The following ZNF526 variants were observed in gnomAD, a reference collection of about 807,000 sequenced individuals.
ZNF526 encodes zinc finger protein 526.
A neutral mutation model predicts 32.4 loss-of-function variants in ZNF526; 16 were observed. The ratio of observed to expected loss-of-function variants is 0.49; its 90% CI spans 0.33 to 0.75. The LOEUF (loss-of-function observed/expected upper bound fraction) is 0.75. Ranked by LOEUF, ZNF526 falls within the 30% of genes least tolerant of loss-of-function variation. The probability of loss-of-function intolerance (pLI) is 0.02; values close to 1 mark genes in which losing one functional copy is unlikely to be tolerated. For synonymous variants in ZNF526, 355 were observed against 363.4 expected (o/e 0.98, Z 0.26); for missense variants, 838 against 920.7 (o/e 0.91, Z 1.16).
chr19:42,225,696 T>TCCCCC lies in ZNF526; in HGVS notation c.1295_1296insCCCCC (p.Pro434HisfsTer53). ...CCCCAGCTCCAGCGGAGCCCACCCC[T>TCCCCC]CCACCACCACCCCCTGCCCCACCTG... On this transcript the variant is annotated frameshift_variant, in exon 3 of 3. Transcript: ENST00000301215. LOFTEE classifies it high-confidence loss of function. 2.3e-6 allele frequency: 1 copy of TCCCCC among 439,490 alleles called. No homozygotes were observed. The highest frequency in any genetic ancestry group is 3.7e-6 in the Non-Finnish European group (1 of 272,524). 27.2% of individuals were successfully genotyped at this position (439,490 alleles called of 1,614,324 possible).
At position 42,224,549 on chromosome 19, in the gene ZNF526, C is replaced by G; in HGVS notation, c.146C>G (p.Ser49Cys). 6 of 1,614,250 alleles carry G rather than the reference C, an allele frequency of 3.7e-6. No individual in the cohort carries two copies. The highest frequency in any genetic ancestry group is 5.1e-6 in the Non-Finnish European group (6 of 1,180,034). Residue 49 changes from serine to cysteine, a missense_variant, in exon 3 of 3, where the codon TCC (serine) becomes TGC (cysteine). Coordinates refer to ENST00000301215, the MANE Select transcript of ZNF526 (RefSeq NM_133444.3). ...EMTPGEALAS[S>C]LFFQHHQFMC... ...ACACCTGGGGAGGCCCTTGCCTCAT[C>G]CCTCTTCTTCCAGCATCACCAGTTC...
At position 42,224,948 on chromosome 19, in the gene ZNF526, CACT is replaced by C. The variant is rs774335184; in HGVS notation, c.546_548del (p.Leu183del). ...CCACCTCCTTTGCCTCCCCCAACACCACTGCCTCCACCTTCTCCCCCATCCGAA... is the reference window on the plus strand; with the variant it reads ...CCACCTCCTTTGCCTCCCCCAACACCGCCTCCACCTTCTCCCCCATCCGAA... On this transcript the variant is annotated inframe_deletion, in exon 3 of 3. Coordinates refer to ENST00000301215, the MANE Select transcript of ZNF526 (RefSeq NM_133444.3). 1 of 1,614,166 alleles carries C rather than the reference CACT, an allele frequency of 6.2e-7. No homozygotes were observed. The highest frequency in any genetic ancestry group is 1.1e-5 in the South Asian group (1 of 91,088).
intron 1 of ZNF526, among the ~76,000 whole-genome samples, chr19:42,224,002 T>TATATATATATATATATATATATATATAC (rs1491246187): frequency 1.6e-5 from 2 of 126,238 alleles, no homozygotes; most frequent in Non-Finnish European, 3.3e-5. Context: ...TATATATATA[T>TATATATATATATATATATATATATATAC]ACAAAAATTA....
chr19:42,226,167 G>C lies in ZNF526; in HGVS notation c.1764G>C (p.Leu588Phe). ...CGRWFRAMAG[L>F]RLHQRVHARA... is the part of the protein sequence containing the mutation. ...GCTGGTTCCGCGCCATGGCGGGCTTGCGACTGCATCAGCGGGTCCATGCCC... is the reference window on the plus strand; with the variant it reads ...GCTGGTTCCGCGCCATGGCGGGCTTCCGACTGCATCAGCGGGTCCATGCCC... The change falls in exon 3 of 3, where the codon TTG (leucine) becomes TTC (phenylalanine). Residue 588 changes from leucine (L) to phenylalanine (F), a missense_variant. Coordinates refer to ENST00000301215, the MANE Select transcript of ZNF526 (RefSeq NM_133444.3). The C allele has an allele frequency of 6.2e-7, 1 of 1,607,944 alleles. No homozygotes were observed. The highest frequency in any genetic ancestry group is 1.1e-5 in the South Asian group (1 of 91,088).
At chr19:42,223,815 CAAAAAAAAAA>C (rs962041845) in intron 1 of ZNF526, among the ~76,000 whole-genome samples, 45 of 32,920 alleles carry the variant, frequency 1.4e-3, no homozygotes, top group Admixed American at 7.5e-3. Flanking sequence ...GAGTCCATCT[CAAAAAAAAAA>C]AAAAAAAAAA....
At chr19:42,222,684 A>C (rs1250140119) in intron 1 of ZNF526, among the ~76,000 whole-genome samples, 1 of 152,134 alleles carries the variant, frequency 6.6e-6, no homozygotes, top group Non-Finnish European at 1.5e-5. Context: ...CTCCACAATG[A>C]ATCAGACCCA....
chr19:42,221,889 C>T (rs945392604), intron 1 of ZNF526, among the ~76,000 whole-genome samples: 2 of 151,890 alleles, frequency 1.3e-5, no homozygotes, highest in African/African-American at 4.8e-5. Flanking sequence ...GCCTCCACCT[C>T]CTGGGCTCAA....
chr19:42,221,923 C>T (rs1312545309), intron 1 of ZNF526, among the ~76,000 whole-genome samples: 1 of 152,046 alleles, frequency 6.6e-6, no homozygotes, highest in African/African-American at 2.4e-5. Context: ...CTTAGCCTCC[C>T]AAAGTGCTAG....
rs538172378 is a variant in ZNF526 at position 42,225,215 on chromosome 19, G to T, written c.812G>T (p.Trp271Leu). ...AVGGDESTAG[W>L]AQGCGDCPQH... ...GGAGGTGACGAGTCCACAGCTGGCT[G>T]GGCTCAGGGCTGCGGGGACTGTCCC... Residue 271 changes from tryptophan to leucine, a missense_variant, in exon 3 of 3, where the codon TGG (tryptophan) becomes TTG (leucine). Physicochemically the swap from Trp to Leu is moderately conservative, Grantham distance 61. Coordinates refer to ENST00000301215, the MANE Select transcript of ZNF526 (RefSeq NM_133444.3). 4 of 1,614,182 alleles carry T rather than the reference G, an allele frequency of 2.5e-6. No homozygotes were observed. In the South Asian group the frequency reaches 4.4e-5, roughly 18 times the overall value.
Position 42,228,146 on chromosome 19 carries a change from G to A in ZNF526, c.*1730G>A, listed in dbSNP as rs1226464272. On this transcript the variant is annotated 3_prime_UTR_variant, in exon 3 of 3. Transcript: ENST00000301215. The stretch of plus-strand genomic sequence containing the variant: ...ATGAGGGAGATTGAGGCTGCAGTGA[G>A]CTGTGTTCACACCACTGCACTCCAG... The A allele has an allele frequency of 2.0e-5, 3 of 151,518 alleles. No homozygotes were observed. The highest frequency in any genetic ancestry group is 4.4e-5 in the Non-Finnish European group (3 of 67,968). 9.4% of individuals were successfully genotyped at this position (151,518 alleles called of 1,614,324 possible). A position where few individuals can be genotyped will look rare whatever the true frequency, so the allele number is the denominator to read the frequency against.
chr19:42,224,917 C>A lies in ZNF526; in HGVS notation c.514C>A (p.Pro172Thr), dbSNP rs143231579. The A allele has an allele frequency of 1.0e-4, 168 of 1,614,188 alleles. 2 individuals carry two copies. In the Middle Eastern group the frequency reaches 1.6e-3, roughly 16 times the overall value. ...CCTTTCTGCTACGGTAGCTGAGCCA[C>A]CAGTGCCACCTCCTTTGCCTCCCCC... is the stretch of plus-strand genomic sequence containing the variant. ...QHLSATVAEP[P>T]VPPPLPPPTP... Residue 172 changes from proline to threonine, a missense_variant, in exon 3 of 3, where the codon CCA (proline) becomes ACA (threonine). Physicochemically the swap from Pro to Thr is conservative, Grantham distance 38. Coordinates refer to ENST00000301215, the MANE Select transcript of ZNF526 (RefSeq NM_133444.3).
In ZNF526 at chr19:42,224,830, T is replaced by A. The variant is rs1233972907; in HGVS notation, c.427T>A (p.Trp143Arg). The A allele has an allele frequency of 3.1e-6, 5 of 1,613,612 alleles. No homozygotes were observed. Among genetic ancestry groups the A allele is most frequent in the Non-Finnish European group, 4.2e-6 (5 of 1,179,968 alleles). ...TGCAAACCAGATCCAATACCAGTGC[T>A]GGGACTGCCAGGAGCTGTTCCCCTC... The part of the protein sequence containing the change: ...ESANQIQYQC[W>R]DCQELFPSPE... Residue 143 changes from tryptophan (W) to arginine (R), a missense_variant, in exon 3 of 3, where the codon TGG becomes AGG. Trp to Arg is a moderately radical substitution (Grantham distance 101). Coordinates refer to ENST00000301215, the MANE Select transcript of ZNF526 (RefSeq NM_133444.3).
chr19:42,224,931 T>C lies in ZNF526; in HGVS notation c.528T>C (p.Pro176=). The C allele has an allele frequency of 6.2e-7, 1 of 1,614,066 alleles. No homozygotes were observed. The highest frequency in any genetic ancestry group is 1.1e-5 in the South Asian group (1 of 91,088). Residue 176 remains proline (P), a synonymous_variant, in exon 3 of 3, where the codon CCT becomes CCC. Transcript: ENST00000301215. The part of the protein sequence containing the change: ...ATVAEPPVPP[P]LPPPTPLPPP... ...TAGCTGAGCCACCAGTGCCACCTCC[T>C]TTGCCTCCCCCAACACCACTGCCTC...
rs566910586 is a variant in ZNF526, at chr19:42,225,132, A to T, written c.729A>T (p.Glu243Asp). Residue 243 changes from glutamate to aspartate, a missense_variant, in exon 3 of 3, where the codon GAA becomes GAT. By Grantham distance (45) the Glu-to-Asp change is conservative. Transcript: ENST00000301215. Reference protein sequence around the residue: ...EEEEDDEEDEEDDEEMEDEEA... With the variant: ...EEEEDDEEDEDDDEEMEDEEA... Reference sequence around the variant, plus strand: ...AAGAGGACGATGAGGAGGATGAAGAAGATGATGAAGAGATGGAGGATGAGG... The same window carrying T: ...AAGAGGACGATGAGGAGGATGAAGATGATGATGAAGAGATGGAGGATGAGG... The T allele has an allele frequency of 2.7e-5, 43 of 1,613,862 alleles. No individual in the cohort carries two copies. The highest frequency in any genetic ancestry group is 7.7e-5 in the South Asian group (7 of 91,084).
At position 42,224,826 on chromosome 19, in the gene ZNF526, G is replaced by A. The variant is rs760732994; in HGVS notation, c.423G>A (p.Gln141=). ...LRESANQIQY[Q]CWDCQELFPS... The stretch of plus-strand genomic sequence containing the variant: ...AGTCTGCAAACCAGATCCAATACCA[G>A]TGCTGGGACTGCCAGGAGCTGTTCC... The change falls in exon 3 of 3, where the codon CAG becomes CAA. Residue 141 remains glutamine (Q), a synonymous_variant. Coordinates refer to ENST00000301215, the MANE Select transcript of ZNF526 (RefSeq NM_133444.3). 1.9e-6 allele frequency: 3 copies of A among 1,613,914 alleles called. No individual in the cohort carries two copies. Among genetic ancestry groups the A allele is most frequent in the Non-Finnish European group, 1.7e-6 (2 of 1,180,018 alleles).
At chr19:42,220,534 T>C (rs1188697138) in intron 1 of ZNF526, 147 bp downstream of exon 1, 1 of 152,232 alleles carries the variant, frequency 6.6e-6, no homozygotes, top group Non-Finnish European at 1.5e-5. Flanking sequence ...AGAGCACTCC[T>C]TCCTGTGTGC....
chr19:42,221,627 C>G (rs1326552445), intron 1 of ZNF526, among the ~76,000 whole-genome samples: 1 of 151,554 alleles, frequency 6.6e-6, no homozygotes. Flanking sequence ...GAGAGAAACT[C>G]TGTCTCAAAA....
chr19:42,225,112 G>A lies in ZNF526; in HGVS notation c.709G>A (p.Asp237Asn), dbSNP rs865973598. Reference protein sequence around the residue: ...ERNGLEEEEEDDEEDEEDDEE... With the variant: ...ERNGLEEEEENDEEDEEDDEE... ...CAATGGGTTGGAGGAGGAGGAAGAG[G>A]ACGATGAGGAGGATGAAGAAGATGA... Residue 237 changes from aspartate (D) to asparagine (N), a missense_variant, in exon 3 of 3, where the codon GAC (aspartate) becomes AAC (asparagine). Coordinates refer to ENST00000301215, the MANE Select transcript of ZNF526 (RefSeq NM_133444.3). 1.2e-6 allele frequency: 2 copies of A among 1,614,138 alleles called. No individual in the cohort carries two copies. The highest frequency in any genetic ancestry group is 2.7e-5 in the African/African-American group (2 of 75,000).
chr19:42,222,123 T>C (rs1404697172), intron 1 of ZNF526, among the ~76,000 whole-genome samples: 1 of 151,282 alleles, frequency 6.6e-6, no homozygotes, highest in Non-Finnish European at 1.5e-5. Context: ...AGTCTCACTC[T>C]GTCTCCAGGC....
Sources: gnomAD v4.1 joint callset for allele counts (sites outside exome capture counted in the v4.1 genomes callset) on GRCh38, gnomAD v4.1.1 for gene constraint, MANE v1.5 for transcripts, NCBI Gene and HGNC (gene_info 2026-07-23, HGNC 2026-07-21) for gene names.